Variants in SHROOM3 observed in about 807,000 individuals in gnomAD.
SHROOM3 encodes the protein protein Shroom3.
A neutral mutation model predicts 138.6 loss-of-function variants in SHROOM3; 47 were observed. That is an observed-to-expected ratio of 0.34 (90% CI 0.27 to 0.43). The LOEUF (loss-of-function observed/expected upper bound fraction) is 0.43, where lower values mean the gene tolerates loss of function less well. SHROOM3 is among the 20% of genes least tolerant of loss of function. The probability of loss-of-function intolerance (pLI) is 1.00; values close to 1 mark genes in which losing one functional copy is unlikely to be tolerated. For missense variants in SHROOM3, 2,491 were observed against 2,596.5 expected, an observed-to-expected ratio of 0.96 and a Z score of 0.88; for synonymous variants, 1,062 against 1,063.3, an observed-to-expected ratio of 1.00 and a Z score of 0.02.
chr4:76,742,218 G>A (rs1721287159), intron 5 of SHROOM3: 1 of 433,288 alleles, frequency 2.3e-6, no homozygotes, highest in Non-Finnish European at 4.2e-6. Flanking sequence ...GCAAGGTTAA[G>A]AAAAATTAGG....
At chr4:76,573,301 C>A (rs568115132) in intron 2 of SHROOM3, among the ~76,000 whole-genome samples, 1 of 150,740 alleles carries the variant, frequency 6.6e-6, no homozygotes, top group South Asian at 2.1e-4. Flanking sequence ...ATCTACCAAA[C>A]CTAGTCACAT....
At chr4:76,550,596 A>G (rs1015769530) in intron 1 of SHROOM3, among the ~76,000 whole-genome samples, 4 of 152,214 alleles carry the variant, frequency 2.6e-5, no homozygotes, top group African/African-American at 9.6e-5. Context: ...GGTAATAATT[A>G]AAACCCCAAG....
chr4:76,707,373 A>G (rs1720088281), intron 2 of SHROOM3, among the ~76,000 whole-genome samples: 1 of 152,228 alleles, frequency 6.6e-6, no homozygotes. Flanking sequence ...AGTCTGTAAA[A>G]TGGGACTTAA....
intron 2 of SHROOM3, among the ~76,000 whole-genome samples, chr4:76,572,360 G>T (rs1733850187): frequency 6.6e-6 from 1 of 152,154 alleles, no homozygotes; most frequent in Non-Finnish European, 1.5e-5. Flanking sequence ...GGACCTTCAG[G>T]TCATGGGCAG....
rs114520128 is a variant in SHROOM3, at chr4:76,539,399, T to C, written c.169-16210T>C. ...CTTCCAGATTGGCATAGAGTCACTC[T>C]GATTGTTTACTTTAGTGTGCCATGT... On this transcript the variant is annotated intron_variant, in intron 1 of 10. Transcript: ENST00000296043. Among the ~76,000 whole-genome samples the C allele has an allele frequency of 5.1e-3, 778 of 152,346 alleles. 8 individuals carry two copies. Among genetic ancestry groups the C allele is most frequent in the African/African-American group, 0.017 (727 of 41,582 alleles).
intron 2 of SHROOM3, chr4:76,688,584 T>C: frequency 1.0e-6 from 1 of 985,432 alleles, no homozygotes; most frequent in Non-Finnish European, 1.2e-6. Flanking sequence ...GAGAGGACTC[T>C]GAGGGGAAAA....
chr4:76,483,654 C>T (rs1731666280), intron 1 of SHROOM3, among the ~76,000 whole-genome samples: 1 of 151,954 alleles, frequency 6.6e-6, no homozygotes. Flanking sequence ...GGGTATATAC[C>T]CAAAGGATTA....
intron 2 of SHROOM3, among the ~76,000 whole-genome samples, chr4:76,614,307 G>A (rs1052066199): frequency 6.6e-6 from 1 of 152,012 alleles, no homozygotes; most frequent in African/African-American, 2.4e-5. Flanking sequence ...GCCTGCCTTG[G>A]CCTCCCAAAG....
At chr4:76,702,067 G>C (rs1719917134) in intron 2 of SHROOM3, among the ~76,000 whole-genome samples, 1 of 152,166 alleles carries the variant, frequency 6.6e-6, no homozygotes, top group African/African-American at 2.4e-5. Flanking sequence ...ATACTTGCTG[G>C]TGTTTTGTTT....
At chr4:76,774,513 A>C (rs1177992953) in intron 10 of SHROOM3, among the ~76,000 whole-genome samples, 1 of 152,102 alleles carries the variant, frequency 6.6e-6, no homozygotes, top group East Asian at 1.9e-4. Flanking sequence ...GCCAATATGA[A>C]AAAAGTGTTC....
chr4:76,735,874 T>A (rs1273956636), intron 4 of SHROOM3, among the ~76,000 whole-genome samples: 29 of 25,322 alleles, frequency 1.1e-3, no homozygotes, highest in South Asian at 9.8e-3. Context: ...AAAAAATATA[T>A]ATATATATAT....
At chr4:76,766,802 C>A (rs1000413737) in intron 9 of SHROOM3, among the ~76,000 whole-genome samples, 5 of 152,134 alleles carry the variant, frequency 3.3e-5, no homozygotes, top group African/African-American at 1.2e-4. Flanking sequence ...AATTCAAATG[C>A]CACCTAACTG....
intron 2 of SHROOM3, 32 bp from the exon 3 acceptor site, chr4:76,710,124 T>A: frequency 3.1e-6 from 5 of 1,613,560 alleles, no homozygotes; most frequent in Non-Finnish European, 4.2e-6. Context: ...AACACCATCA[T>A]GCTCAGCTTC....
chr4:76,628,191 T>C (rs904646017), intron 2 of SHROOM3, among the ~76,000 whole-genome samples: 2 of 152,220 alleles, frequency 1.3e-5, no homozygotes, highest in East Asian at 1.9e-4. Context: ...TTAACATTGA[T>C]GTTAGGAAAG....
At position 76,664,812 on chromosome 4, in the gene SHROOM3, C is replaced by T. The variant is rs1285324914; in HGVS notation, c.324-45344C>T. Among the ~76,000 whole-genome samples the T allele has an allele frequency of 6.6e-6, 1 of 152,108 alleles. No individual in the cohort carries two copies. Among genetic ancestry groups the T allele is most frequent in the African/African-American group, 2.4e-5 (1 of 41,406 alleles). On this transcript the variant is annotated intron_variant, in intron 2 of 10. Coordinates refer to ENST00000296043, the MANE Select transcript of SHROOM3 (RefSeq NM_020859.4). This position sits in a 1 kb window ranked among gnomAD's most constrained non-coding sequence, Gnocchi z 4.2. ...ACTGAAACTCTATACACACTAAAAA[C>T]TCCATTTCCCTCTTCCACAGCCTCT... is the stretch of plus-strand genomic sequence containing the variant.
rs1314235697 is a variant in SHROOM3 at position 76,754,521 on chromosome 4, C to A, written c.4038C>A (p.Thr1346=). ...GAACGCAAGGGCTGGTCACAGACAC[C>A]AGGGCTGCACCCCTGACCCCAATTG... The part of the protein sequence containing the change: ...LAGTQGLVTD[T]RAAPLTPIGT... The change falls in exon 7 of 11, where the codon ACC becomes ACA. Residue 1346 remains threonine, a synonymous_variant. Transcript: ENST00000296043. 1.9e-6 allele frequency: 3 copies of A among 1,613,544 alleles called. No individual in the cohort carries two copies. In the African/African-American group the frequency reaches 4.0e-5, roughly 22 times the overall value.
At chr4:76,557,175 T>C (rs776660385) in intron 2 of SHROOM3, among the ~76,000 whole-genome samples, 1 of 151,212 alleles carries the variant, frequency 6.6e-6, no homozygotes, top group Non-Finnish European at 1.5e-5. Flanking sequence ...TAAGTATCCA[T>C]GGAGGGACAA....
chr4:76,561,967 C>T (rs1369720439), intron 2 of SHROOM3, among the ~76,000 whole-genome samples: 10 of 151,950 alleles, frequency 6.6e-5, no homozygotes, highest in African/African-American at 1.9e-4. Context: ...GCCAAGATCC[C>T]GCCATTGCAC....
chr4:76,655,604 C>T (rs1426300009), intron 2 of SHROOM3, among the ~76,000 whole-genome samples: 1 of 152,196 alleles, frequency 6.6e-6, no homozygotes, highest in East Asian at 1.9e-4. Flanking sequence ...ACCTTTCCGT[C>T]TCCAAGTCCA....
Sources: allele counts gnomAD v4.1 joint callset (sites outside exome capture counted in the v4.1 genomes callset), GRCh38; gene constraint gnomAD v4.1.1; non-coding constraint Gnocchi (gnomAD v3.1); transcripts MANE v1.5; gene names NCBI Gene and HGNC (gene_info 2026-07-23, HGNC 2026-07-21).